HERC1: variants seen among roughly 807,000 people sequenced by gnomAD.
The protein encoded by HERC1 is HECT and RLD domain containing E3 ubiquitin protein ligase family member 1, also known as probable E3 ubiquitin-protein ligase HERC1.
HERC1 carries 160 observed loss-of-function variants against 554.3 expected under a neutral mutation model. The ratio of observed to expected loss-of-function variants is 0.29; its 90% CI spans 0.25 to 0.33. The LOEUF (loss-of-function observed/expected upper bound fraction) is 0.33. Among genes scored for constraint, HERC1 ranks in the 10% least tolerant of loss-of-function variants. The pLI, the probability that HERC1 is intolerant of heterozygous loss-of-function variation, is 1.00. For synonymous variants in HERC1, 2,175 were observed against 2,131.7 expected (o/e 1.02, Z -0.56); for missense variants, 4,919 against 5,918.5 (o/e 0.83, Z 5.54).
At chr15:63,738,569 G>C (rs1348370269) in intron 12 of HERC1, among the ~76,000 whole-genome samples, 2 of 151,996 alleles carry the variant, frequency 1.3e-5, no homozygotes, top group East Asian at 3.8e-4. Context: ...ATTTTTTAAA[G>C]AAGAAAATTC....
At position 63,660,954 on chromosome 15, in the gene HERC1, A is replaced by G. The variant is rs2272209; in HGVS notation, c.9223+19T>C. 1,236,406 of 1,504,658 alleles carry G rather than the reference A, an allele frequency of 0.82. 526,553 individuals are homozygous for G. The highest frequency in any genetic ancestry group is 0.88 in the Non-Finnish European group (947,048 of 1,081,328). The allele number at this position is 1,504,658 out of a possible 1,614,324, so 93.2% of individuals were successfully genotyped here. A position where few individuals can be genotyped will look rare whatever the true frequency, so the allele number is the denominator to read the frequency against. On this transcript the variant is annotated intron_variant, in intron 46 of 77. Coordinates refer to ENST00000443617, the MANE Select transcript of HERC1 (RefSeq NM_003922.4). ...TATAAAAAAACATGTAAAATAAAGA[A>G]GCTCTCAAAACAAACTACCTTCATA...
chr15:63,650,012 C>T (rs1595892490), intron 53 of HERC1, 87 bp from the exon 54 acceptor site: 1 of 956,804 alleles, frequency 1.0e-6, no homozygotes, highest in Non-Finnish European at 1.6e-6. Context: ...AATTCTAATA[C>T]ACACTCAAAG....
intron 12 of HERC1, among the ~76,000 whole-genome samples, chr15:63,743,144 A>G (rs2074881904): frequency 6.6e-6 from 1 of 151,848 alleles, no homozygotes; most frequent in Non-Finnish European, 1.5e-5. Flanking sequence ...TAAGGCCAAC[A>G]ACTCTTTGAC....
At chr15:63,821,325 C>T (rs1388633703) in intron 1 of HERC1, among the ~76,000 whole-genome samples, 1 of 151,704 alleles carries the variant, frequency 6.6e-6, no homozygotes, top group Non-Finnish European at 1.5e-5. Flanking sequence ...GAGGCTGAGG[C>T]GGGCGGATCA....
At position 63,645,007 on chromosome 15, in the gene HERC1, C is replaced by A. The variant is rs761953292; in HGVS notation, c.11169G>T (p.Gln3723His). ...NVTSAEGWWE[Q>H]ESNCQDGYRK... The stretch of plus-strand genomic sequence containing the variant: ...AGAATGTTACCTGGCAATTTGATTC[C>A]TGCTCCCACCATCCTTCTGCACTAG... The change falls in exon 57 of 78, where the codon CAG becomes CAT. Residue 3723 changes from glutamine to histidine, a missense_variant. Around this residue, in one of 11 missense-constraint regions of HERC1, gnomAD observed 1,963 missense variants for 2,228.6 expected, o/e 0.88. Coordinates refer to ENST00000443617, the MANE Select transcript of HERC1 (RefSeq NM_003922.4). The A allele has an allele frequency of 1.9e-6, 3 of 1,612,020 alleles. No homozygotes were observed. The highest frequency in any genetic ancestry group is 2.5e-6 in the Non-Finnish European group (3 of 1,178,152).
At chr15:63,682,833 TAA>T (rs149727749) in intron 34 of HERC1, among the ~76,000 whole-genome samples, 1 of 144,006 alleles carries the variant, frequency 6.9e-6, no homozygotes, top group Non-Finnish European at 1.5e-5. Context: ...GATGTATGAT[TAA>T]AAAAAAAAAA....
chr15:63,744,164 G>GTGTGTGTGTGTGTC, intron 12 of HERC1, among the ~76,000 whole-genome samples: 477 of 46,004 alleles, frequency 0.01, 9 homozygotes, highest in East Asian at 0.038. Context: ...GTGTGTGTGT[G>GTGTGTGTGTGTGTC]TCTCTCTCTC....
chr15:63,823,816 A>T (rs1355612005), intron 1 of HERC1, among the ~76,000 whole-genome samples: 1 of 152,238 alleles, frequency 6.6e-6, no homozygotes, highest in Non-Finnish European at 1.5e-5. Flanking sequence ...GGAATAATTT[A>T]AAATGAGAGA....
rs140930579 is a variant in HERC1 at position 63,786,916 on chromosome 15, TA to T, written c.-26-11268del. ...TGATGTGAACTTCAACTCAATAAAT[TA>T]TTATTTTTTTTTTTTTTATTTTTTG... On this transcript the variant is annotated intron_variant, in intron 1 of 77. Coordinates refer to ENST00000443617, the MANE Select transcript of HERC1 (RefSeq NM_003922.4). Among the ~76,000 whole-genome samples, 1,195 of 122,314 alleles carry T rather than the reference TA, an allele frequency of 9.8e-3. 44 individuals carry two copies. Among genetic ancestry groups the T allele is most frequent in the African/African-American group, 0.017 (547 of 33,104 alleles). The allele number at this position is 122,314 out of a possible 152,430, so 80.2% of individuals were successfully genotyped here.
At chr15:63,793,430 A>G (rs2076714414) in intron 1 of HERC1, among the ~76,000 whole-genome samples, 1 of 152,224 alleles carries the variant, frequency 6.6e-6, no homozygotes, top group African/African-American at 2.4e-5. Flanking sequence ...GTGCCATGAT[A>G]GTTTACAAAT....
At position 63,663,075 on chromosome 15, in the gene HERC1, T is replaced by G. The variant is rs1321226072; in HGVS notation, c.8810A>C (p.Glu2937Ala). Residue 2937 changes from glutamate to alanine, a missense_variant, in exon 44 of 78, where the codon GAG (glutamate) becomes GCG (alanine). Glu to Ala is a moderately radical substitution (Grantham distance 107). Transcript: ENST00000443617. ...DEELEIDLDD[E>A]AMEAMFGQDL... Reference sequence around the variant, plus strand: ...TTGTCCAAACATAGCTTCCATCGCCTCATCATCAAGATCAATTTCCAATTC... The same window carrying G: ...TTGTCCAAACATAGCTTCCATCGCCGCATCATCAAGATCAATTTCCAATTC... 2 of 1,613,980 alleles carry G rather than the reference T, an allele frequency of 1.2e-6. No individual in the cohort carries two copies. Among genetic ancestry groups the G allele is most frequent in the Non-Finnish European group, 8.5e-7 (1 of 1,179,870 alleles).
chr15:63,789,333 G>A (rs1300282641), intron 1 of HERC1, among the ~76,000 whole-genome samples: 3 of 150,460 alleles, frequency 2.0e-5, no homozygotes, highest in South Asian at 2.1e-4. Flanking sequence ...CTCGTGATCC[G>A]CCCGCCTCGG....
chr15:63,654,194 A>G lies in HERC1; in HGVS notation c.10215T>C (p.Thr3405=). Residue 3405 remains threonine (T), a synonymous_variant, in exon 51 of 78, where the codon ACT becomes ACC. Transcript: ENST00000443617. ...CTCCCATATCAGCAAGTGTCTGCAG[A>G]GTAGTTTGGTTGTCACGGTCGTGTG... ...LAAHDRDNQT[T]LQTLADMGGD... The G allele has an allele frequency of 1.2e-6, 2 of 1,614,054 alleles. No homozygotes were observed. Among genetic ancestry groups the G allele is most frequent in the Non-Finnish European group, 1.7e-6 (2 of 1,179,884 alleles).
Position 63,696,222 on chromosome 15 carries a change from T to G in HERC1, c.5023A>C (p.Thr1675Pro). ...SSGFQSSTLLTSVRLQFLAGC... is the reference protein window; with the variant it reads ...SSGFQSSTLLPSVRLQFLAGC... ...GCTAGGAACTGCAGCCTCACAGACG[T>G]GAGTAGTGTGGAGGACTGGAAGCCT... The change falls in exon 27 of 78, where the codon ACG becomes CCG. Residue 1675 changes from threonine to proline, a missense_variant. Thr to Pro is a conservative substitution (Grantham distance 38). Around this residue, in one of 11 missense-constraint regions of HERC1, gnomAD observed 1,121 missense variants for 1,244.0 expected, o/e 0.90. Coordinates refer to ENST00000443617, the MANE Select transcript of HERC1 (RefSeq NM_003922.4). 2 of 1,613,448 alleles carry G rather than the reference T, an allele frequency of 1.2e-6. No individual in the cohort carries two copies. Among genetic ancestry groups the G allele is most frequent in the Non-Finnish European group, 1.7e-6 (2 of 1,179,662 alleles).
chr15:63,656,735 G>T (rs908822072), intron 48 of HERC1, among the ~76,000 whole-genome samples: 2 of 152,188 alleles, frequency 1.3e-5, no homozygotes, highest in Admixed American at 1.3e-4. Flanking sequence ...GCTCTCAGAA[G>T]TAACCACTAT....
Position 63,626,159 on chromosome 15 carries a change from C to CCTT in HERC1, c.13106-6_13106-5insAAG. ...GCTGCAGAGGTACTGACACACCTGTCCAGAAAGCAAATGGGCACTTATGAA... is the reference window on the plus strand; with the variant it reads ...GCTGCAGAGGTACTGACACACCTGTCCTTCAGAAAGCAAATGGGCACTTATGAA... On this transcript the variant is annotated splice_region_variant and splice_polypyrimidine_tract_variant and intron_variant, in intron 70 of 77. Transcript: ENST00000443617. The CCTT allele has an allele frequency of 6.2e-7, 1 of 1,609,980 alleles. No individual in the cohort carries two copies. Among genetic ancestry groups the CCTT allele is most frequent in the Non-Finnish European group, 8.5e-7 (1 of 1,178,964 alleles).
At chr15:63,815,190 A>G (rs184143792) in intron 1 of HERC1, among the ~76,000 whole-genome samples, 49 of 152,254 alleles carry the variant, frequency 3.2e-4, no homozygotes, top group African/African-American at 6.5e-4. Flanking sequence ...CTGATTGTCT[A>G]AAAGTTAAAT....
At chr15:63,817,395 A>G (rs76128558) in intron 1 of HERC1, among the ~76,000 whole-genome samples, 1,657 of 152,258 alleles carry the variant, frequency 0.011, 22 homozygotes, top group African/African-American at 0.039. Context: ...AAAGGTAAAC[A>G]TTACGTATGT....
intron 33 of HERC1, 70 bp from the exon 34 acceptor site, chr15:63,686,605 C>T: frequency 7.5e-7 from 1 of 1,332,634 alleles, no homozygotes; most frequent in Non-Finnish European, 1.0e-6. Flanking sequence ...TTCTGAGGCT[C>T]CTTGGTTTTA....
Sources: allele counts gnomAD v4.1 joint callset (sites outside exome capture counted in the v4.1 genomes callset), GRCh38; gene constraint gnomAD v4.1.1; regional missense constraint gnomAD v4.1.1; transcripts MANE v1.5; gene names NCBI Gene and HGNC (gene_info 2026-07-23, HGNC 2026-07-21).